Variants in RASA2 observed in about 807,000 individuals in gnomAD.
The protein encoded by RASA2 is ras GTPase-activating protein 2.
Under a neutral mutation model 118.2 loss-of-function variants are expected in RASA2, and 155 were observed. That is an observed-to-expected ratio of 1.31 (90% CI 1.15 to 1.50). The LOEUF is 1.50. Ranked by LOEUF, RASA2 falls within the 40% of genes most tolerant of loss-of-function variation. RASA2 has a pLI of 0.00. For missense variants in RASA2, 1,016 were observed against 1,009.6 expected (o/e 1.01, Z -0.09); for synonymous variants, 353 against 349.1 (o/e 1.01, Z -0.12).
chr3:141,548,794 T>C (rs1195941913), intron 5 of RASA2, among the ~76,000 whole-genome samples: 1 of 152,218 alleles, frequency 6.6e-6, no homozygotes, highest in Non-Finnish European at 1.5e-5. Flanking sequence ...ATCTTCACTG[T>C]GTTCCTGTTT....
chr3:141,489,567 CA>C (rs1215377556), intron 1 of RASA2, among the ~76,000 whole-genome samples: 1 of 152,170 alleles, frequency 6.6e-6, no homozygotes, highest in Non-Finnish European at 1.5e-5. Flanking sequence ...GATGTGCTGG[CA>C]GATTTTATAC....
At chr3:141,599,957 G>A (rs542527608) in intron 19 of RASA2, among the ~76,000 whole-genome samples, 1 of 152,272 alleles carries the variant, frequency 6.6e-6, no homozygotes, top group African/African-American at 2.4e-5. Flanking sequence ...GTCACTTGCA[G>A]AACTGTTTCA....
intron 19 of RASA2, among the ~76,000 whole-genome samples, chr3:141,597,449 G>A (rs968964294): frequency 3.9e-5 from 6 of 152,090 alleles, no homozygotes; most frequent in Admixed American, 3.9e-4. Flanking sequence ...GACAGGTTGG[G>A]AACCAGTCCC....
chr3:141,607,710 A>G lies in RASA2; in HGVS notation c.1966A>G (p.Asn656Asp), dbSNP rs759597548. The G allele has an allele frequency of 4.6e-5, 74 of 1,599,636 alleles. No individual in the cohort carries two copies. The highest frequency in any genetic ancestry group is 6.1e-5 in the Non-Finnish European group (72 of 1,174,840). ...TGCAATCTACACAATCCCAGTAAAA[A>G]ACATTCTTGCTGTGGAAAAACTGGA... ...KDAIYTIPVK[N>D]ILAVEKLEES... Residue 656 changes from asparagine (N) to aspartate (D), a missense_variant, in exon 20 of 24, where the codon AAC (asparagine) becomes GAC (aspartate). This residue lies in a region of RASA2 where 896 missense variants were observed against 836.4 expected (regional missense o/e 1.07). Transcript: ENST00000286364.
chr3:141,610,018 A>T lies in RASA2; in HGVS notation c.2471A>T (p.His824Leu). The change falls in exon 23 of 24, where the codon CAT becomes CTT. Residue 824 changes from histidine to leucine, a missense_variant. His to Leu is a moderately conservative substitution (Grantham distance 99, BLOSUM62 -3). Transcript: ENST00000286364. ...KSIIEKLDEP[H>L]EKYRKKRSSS... is the part of the protein sequence containing the mutation. ...ATAATTGAGAAGCTGGATGAACCTC[A>T]TGAAAAATATAGGAAGAAAAGATCC... 1.2e-6 allele frequency: 2 copies of T among 1,604,426 alleles called. No individual in the cohort carries two copies. The highest frequency in any genetic ancestry group is 1.7e-6 in the Non-Finnish European group (2 of 1,175,712).
chr3:141,611,427 G>A (rs904546478), intron 23 of RASA2, among the ~76,000 whole-genome samples: 25 of 152,208 alleles, frequency 1.6e-4, no homozygotes, highest in African/African-American at 5.8e-4. Context: ...CTACCCAGTG[G>A]TAGAGCAGAA....
At chr3:141,533,414 G>T (rs1350795028) in intron 4 of RASA2, among the ~76,000 whole-genome samples, 1 of 152,162 alleles carries the variant, frequency 6.6e-6, no homozygotes, top group African/African-American at 2.4e-5. Flanking sequence ...ATAATCGCAA[G>T]CCTGTTACCT....
rs757352232 is a variant in RASA2 at position 141,574,076 on chromosome 3, C to T, written c.1483+9C>T. 1.4e-6 allele frequency: 2 copies of T among 1,442,322 alleles called. No homozygotes were observed. Among genetic ancestry groups the T allele is most frequent in the Non-Finnish European group, 1.8e-6 (2 of 1,086,442 alleles). 89.3% of individuals were successfully genotyped at this position (1,442,322 alleles called of 1,614,324 possible). On this transcript the variant is annotated intron_variant, in intron 14 of 23. Transcript: ENST00000286364. ...TACTCAGAGATTTCCTAGTAAGTGC[C>T]TTGTTTTACTAAAACATGCCATTTA...
chr3:141,516,786 T>C (rs541490316), intron 3 of RASA2, among the ~76,000 whole-genome samples: 1 of 151,456 alleles, frequency 6.6e-6, no homozygotes. Flanking sequence ...TTTTGTTTTT[T>C]TTTTTGACAC....
intron 7 of RASA2, 112 bp downstream of exon 7, chr3:141,556,024 A>C: frequency 1.2e-6 from 1 of 815,604 alleles, no homozygotes; most frequent in Non-Finnish European, 1.9e-6. Context: ...TAATGCAGAT[A>C]AGCATTTCTC....
intron 9 of RASA2, among the ~76,000 whole-genome samples, chr3:141,569,870 T>G (rs1319048832): frequency 3.9e-5 from 6 of 152,104 alleles, no homozygotes; most frequent in Admixed American, 2.6e-4. Context: ...CACTTACAAG[T>G]GAGAACATAG....
intron 5 of RASA2, among the ~76,000 whole-genome samples, chr3:141,548,944 A>C (rs149331940): frequency 1.3e-5 from 2 of 152,136 alleles, no homozygotes; most frequent in Admixed American, 6.5e-5. Context: ...TCTGTGTTCA[A>C]TCTGCACATG....
intron 5 of RASA2, among the ~76,000 whole-genome samples, chr3:141,551,531 C>G (rs2082575066): frequency 6.6e-6 from 1 of 152,154 alleles, no homozygotes; most frequent in Admixed American, 6.5e-5. Flanking sequence ...CAACTTTCTT[C>G]CCTTTAGTAC....
chr3:141,518,931 A>G (rs1560003784), intron 3 of RASA2, among the ~76,000 whole-genome samples: 2 of 152,206 alleles, frequency 1.3e-5, no homozygotes, highest in African/African-American at 4.8e-5. Flanking sequence ...ACTATTTGTT[A>G]CATAATATCC....
At chr3:141,514,468 G>T (rs993453770) in intron 2 of RASA2, among the ~76,000 whole-genome samples, 1 of 152,026 alleles carries the variant, frequency 6.6e-6, no homozygotes, top group Non-Finnish European at 1.5e-5. Context: ...AAAATGTTTT[G>T]TATCTTGATT....
intron 5 of RASA2, among the ~76,000 whole-genome samples, chr3:141,552,328 G>A (rs2082587165): frequency 6.6e-6 from 1 of 152,112 alleles, no homozygotes; most frequent in African/African-American, 2.4e-5. Flanking sequence ...GTATTTGGGG[G>A]CACAGTGGGA....
chr3:141,489,802 CA>C (rs1230805764), intron 1 of RASA2, among the ~76,000 whole-genome samples: 143 of 152,188 alleles, frequency 9.4e-4, no homozygotes, highest in Non-Finnish European at 1.7e-3. Flanking sequence ...CCTTATACTT[CA>C]CAAGGTGAAA....
Position 141,513,072 on chromosome 3 carries a change from A to C in RASA2, c.251+792A>C, listed in dbSNP as rs977876322. Reference sequence around the variant, plus strand: ...GAGTGAAACTCCATCTCAGAAAAAAAAAAAAAAACAAAAAAACGAAAAACA... The same window carrying C: ...GAGTGAAACTCCATCTCAGAAAAAACAAAAAAAACAAAAAAACGAAAAACA... On this transcript the variant is annotated intron_variant, in intron 2 of 23. Transcript: ENST00000286364. 1.9e-4 allele frequency among the ~76,000 whole-genome samples: 28 copies of C among 151,048 alleles called. 1 individual carries two copies. The highest frequency in any genetic ancestry group is 1.6e-3 in the Admixed American group (25 of 15,222).
At chr3:141,571,270 T>TA in intron 10 of RASA2, 136 bp from the exon 11 acceptor site, 3 of 1,327,820 alleles carry the variant, frequency 2.3e-6, no homozygotes, top group African/African-American at 1.5e-5. Flanking sequence ...TCATCTCTGA[T>TA]AAAAAATTTC....
Sources: gnomAD v4.1 joint callset for allele counts (sites outside exome capture counted in the v4.1 genomes callset) on GRCh38, gnomAD v4.1.1 for gene constraint, gnomAD v4.1.1 regional missense constraint, MANE v1.5 for transcripts, NCBI Gene and HGNC (gene_info 2026-07-23, HGNC 2026-07-21) for gene names.